PREPL: variants seen among roughly 807,000 people sequenced by gnomAD.
PREPL encodes the protein prolyl endopeptidase-like.
A neutral mutation model predicts 70.6 loss-of-function variants in PREPL; 77 were observed. The ratio of observed to expected loss-of-function variants is 1.09; its 90% CI spans 0.91 to 1.32. The LOEUF (loss-of-function observed/expected upper bound fraction) is 1.32. Ranked by LOEUF, PREPL falls within the 40% of genes most tolerant of loss-of-function variation. The pLI, the probability that PREPL is intolerant of heterozygous loss-of-function variation, is 0.00. For synonymous variants in PREPL, 315 were observed against 264.8 expected (o/e 1.19, Z -1.84); for missense variants, 1,002 against 778.2 (o/e 1.29, Z -3.42).
rs1313264034 is a variant in PREPL at position 44,317,910 on chromosome 2, A to G, written c.*3446T>C. Reference sequence around the variant, plus strand: ...CACTCAGATAACAAAAACAGACATAAGAAACACTAACATAAAACACAAAGA... The same window carrying G: ...CACTCAGATAACAAAAACAGACATAGGAAACACTAACATAAAACACAAAGA... On this transcript the variant is annotated 3_prime_UTR_variant, in exon 14 of 14. Transcript: ENST00000409411. 1 of 238,414 alleles carries G rather than the reference A, an allele frequency of 4.2e-6. No homozygotes were observed. Among genetic ancestry groups the G allele is most frequent in the Non-Finnish European group, 8.5e-6 (1 of 117,450 alleles). The allele number at this position is 238,414 out of a possible 1,614,324, so 14.8% of individuals were successfully genotyped here. A position where few individuals can be genotyped will look rare whatever the true frequency, so the allele number is the denominator to read the frequency against.
rs745708452 is a variant in PREPL, at chr2:44,338,362, G to A, written c.877C>T (p.Arg293Trp). 4.0e-5 allele frequency: 64 copies of A among 1,611,024 alleles called. No homozygotes were observed. Among genetic ancestry groups the A allele is most frequent in the Middle Eastern group, 1.7e-4 (1 of 6,048 alleles). ...NVIGLADDSVRSLKLPPWACG... is the reference protein window; with the variant it reads ...NVIGLADDSVWSLKLPPWACG... ...AAAATTAAACATACCTTTAGAGACC[G>A]AACTGAATCATCAGCCAGACCAATC... Residue 293 changes from arginine to tryptophan, a missense_variant, in exon 7 of 14, where the codon CGG becomes TGG. Physicochemically the swap from Arg to Trp is moderately radical, Grantham distance 101. Coordinates refer to ENST00000409411, the MANE Select transcript of PREPL (RefSeq NM_001171613.2).
Position 44,320,699 on chromosome 2 carries a change from A to AGCTTCATGTACAGCATGCT in PREPL, c.*638_*656dup. ...CAGTGGGATTGTAAGCATTTGTAATAGCTTCATGTACAGCATGCTGCTTGG... is the reference window on the plus strand; with the variant it reads ...CAGTGGGATTGTAAGCATTTGTAATAGCTTCATGTACAGCATGCTGCTTCATGTACAGCATGCTGCTTGG... On this transcript the variant is annotated 3_prime_UTR_variant, in exon 14 of 14. Transcript: ENST00000409411. 7.9e-7 allele frequency: 1 copy of AGCTTCATGTACAGCATGCT among 1,264,124 alleles called. No individual in the cohort carries two copies. Among genetic ancestry groups the AGCTTCATGTACAGCATGCT allele is most frequent in the Admixed American group, 1.7e-5 (1 of 59,432 alleles). 78.3% of individuals were successfully genotyped at this position (1,264,124 alleles called of 1,614,324 possible).
intron 11 of PREPL, 46 bp from the exon 12 acceptor site, chr2:44,322,900 T>C: frequency 1.9e-6 from 3 of 1,599,042 alleles, no homozygotes; most frequent in Non-Finnish European, 2.6e-6. Context: ...TTTCTTATGG[T>C]CCCTTGCCAC....
At position 44,318,095 on chromosome 2, in the gene PREPL, G is replaced by GTT. The variant is rs11348872; in HGVS notation, c.*3259_*3260dup. 2.3e-3 allele frequency: 908 copies of GTT among 395,862 alleles called. No individual in the cohort carries two copies. Among genetic ancestry groups the GTT allele is most frequent in the East Asian group, 9.6e-3 (117 of 12,170 alleles). 24.5% of individuals were successfully genotyped at this position (395,862 alleles called of 1,614,324 possible). ...ATAATACTTAAAGGATCTCAACACT[G>GTT]TTTTTTTTTTTTTTTGAGACAGTCT... On this transcript the variant is annotated 3_prime_UTR_variant, in exon 14 of 14. Coordinates refer to ENST00000409411, the MANE Select transcript of PREPL (RefSeq NM_001171613.2).
At chr2:44,357,530 A>T (rs1192869317) in intron 1 of PREPL, among the ~76,000 whole-genome samples, 1 of 152,228 alleles carries the variant, frequency 6.6e-6, no homozygotes, top group Non-Finnish European at 1.5e-5. Context: ...AGGTAAAGGA[A>T]TTACTAAATG....
In PREPL at chr2:44,340,799, G is replaced by C. The variant is rs75457077; in HGVS notation, c.486-1436C>G. Among the ~76,000 whole-genome samples, 545 of 151,946 alleles carry C rather than the reference G, an allele frequency of 3.6e-3. 2 individuals are homozygous for C. Among genetic ancestry groups the C allele is most frequent in the African/African-American group, 0.012 (506 of 41,438 alleles). Reference sequence around the variant, plus strand: ...AAAAATTAGCCAGGCATGGTGGCAGGTGCCTGTAATCCCAGCTACTTGGGA... The same window carrying C: ...AAAAATTAGCCAGGCATGGTGGCAGCTGCCTGTAATCCCAGCTACTTGGGA... On this transcript the variant is annotated intron_variant, in intron 5 of 13. Transcript: ENST00000409411.
rs1347641772 is a variant in PREPL, at chr2:44,322,733, T to C, written c.1751A>G (p.Glu584Gly). The change falls in exon 12 of 14, where the codon GAA becomes GGA. Residue 584 changes from glutamate (E) to glycine (G), a missense_variant and splice_region_variant. Coordinates refer to ENST00000409411, the MANE Select transcript of PREPL (RefSeq NM_001171613.2). ...AIAEHAKDTG[E>G]GYQTPNIILD... ...CCTGCTTCTAGGGGGTCTCCTACCT[T>C]CACCTGTGTCCTTAGCATGCTCCGC... is the stretch of plus-strand genomic sequence containing the variant. 2 of 1,613,006 alleles carry C rather than the reference T, an allele frequency of 1.2e-6. No homozygotes were observed. The highest frequency in any genetic ancestry group is 1.3e-5 in the African/African-American group (1 of 74,854).
chr2:44,318,016 T>C lies in PREPL; in HGVS notation c.*3340A>G. 5.4e-6 allele frequency: 2 copies of C among 372,966 alleles called. No individual in the cohort carries two copies. The highest frequency in any genetic ancestry group is 3.8e-5 in the South Asian group (2 of 52,404). The allele number at this position is 372,966 out of a possible 1,614,324, so 23.1% of individuals were successfully genotyped here. A position where few individuals can be genotyped will look rare whatever the true frequency, so the allele number is the denominator to read the frequency against. On this transcript the variant is annotated 3_prime_UTR_variant, in exon 14 of 14. Coordinates refer to ENST00000409411, the MANE Select transcript of PREPL (RefSeq NM_001171613.2). ...TATAAACACAAAAAATGAAGTTATC[T>C]TTTGACCTAATAATTCCATTCCTAA...
intron 7 of PREPL, among the ~76,000 whole-genome samples, chr2:44,337,162 C>T (rs1444348365): frequency 1.3e-5 from 2 of 152,184 alleles, no homozygotes; most frequent in African/African-American, 2.4e-5. Context: ...TGAACATTTT[C>T]TGAATGTCAG....
intron 12 of PREPL, 26 bp downstream of exon 12, chr2:44,322,705 T>C: frequency 3.7e-6 from 6 of 1,607,432 alleles, no homozygotes; most frequent in Middle Eastern, 3.3e-4. Context: ...TTTGGCCATG[T>C]TCCCTGCTTC....
intron 1 of PREPL, chr2:44,360,783 T>G (rs921652583): frequency 9.9e-5 from 15 of 152,246 alleles, no homozygotes; most frequent in African/African-American, 3.6e-4. Flanking sequence ...TAGTGACCAC[T>G]CAATAAATGG....
In PREPL at chr2:44,339,346, T is replaced by A. The variant is rs775248800; in HGVS notation, c.503A>T (p.Tyr168Phe). 1 of 1,613,820 alleles carries A rather than the reference T, an allele frequency of 6.2e-7. No homozygotes were observed. Among genetic ancestry groups the A allele is most frequent in the Non-Finnish European group, 8.5e-7 (1 of 1,179,908 alleles). ...GAGGAAACGACTGTCTTTTGTAAGA[T>A]AAAGGAAAACAAAGTAGCTAGAGAG... ...EKDPSYFVFLYLTKDSRFLTI... is the reference protein window; with the variant it reads ...EKDPSYFVFLFLTKDSRFLTI... Residue 168 changes from tyrosine to phenylalanine, a missense_variant, in exon 6 of 14, where the codon TAT (tyrosine) becomes TTT (phenylalanine). Transcript: ENST00000409411.
At chr2:44,345,787 T>A (rs1675740311) in intron 2 of PREPL, among the ~76,000 whole-genome samples, 1 of 152,208 alleles carries the variant, frequency 6.6e-6, no homozygotes, top group South Asian at 2.1e-4. Context: ...CAAGTAATTT[T>A]CAAATAATAA....
intron 2 of PREPL, among the ~76,000 whole-genome samples, chr2:44,345,841 TA>T (rs1675749093): frequency 6.6e-6 from 1 of 152,138 alleles, no homozygotes; most frequent in African/African-American, 2.4e-5. Context: ...TTAGAATGAT[TA>T]AAAAATTTTT....
intron 9 of PREPL, among the ~76,000 whole-genome samples, chr2:44,328,208 C>A (rs1029147364): frequency 6.7e-6 from 1 of 149,460 alleles, no homozygotes; most frequent in Non-Finnish European, 1.5e-5. Flanking sequence ...ATCGCTTGAA[C>A]CCTGGCCAAG....
At chr2:44,349,966 C>A (rs1676236656) in intron 1 of PREPL, among the ~76,000 whole-genome samples, 1 of 152,132 alleles carries the variant, frequency 6.6e-6, no homozygotes, top group Admixed American at 6.5e-5. Flanking sequence ...ATGTCCCCTT[C>A]TTGAAAGAAA....
At position 44,321,250 on chromosome 2, in the gene PREPL, A is replaced by G. The variant is rs1572833944; in HGVS notation, c.*106T>C. On this transcript the variant is annotated 3_prime_UTR_variant, in exon 14 of 14. Coordinates refer to ENST00000409411, the MANE Select transcript of PREPL (RefSeq NM_001171613.2). ...TGGAGAAGCACATTTTAAAAAATTA[A>G]TAACTTAAAAGTCTCAAGTTATTAA... 2.0e-6 allele frequency: 2 copies of G among 997,632 alleles called. No individual in the cohort carries two copies. The highest frequency in any genetic ancestry group is 2.9e-6 in the Non-Finnish European group (2 of 678,332). The allele number at this position is 997,632 out of a possible 1,614,324, so 61.8% of individuals were successfully genotyped here.
Position 44,341,856 on chromosome 2 carries a change from C to G in PREPL, c.485+561G>C, listed in dbSNP as rs11898804. Among the ~76,000 whole-genome samples the G allele has an allele frequency of 3.0e-3, 449 of 151,750 alleles. 1 individual carries two copies. The highest frequency in any genetic ancestry group is 9.5e-3 in the African/African-American group (394 of 41,396). On this transcript the variant is annotated intron_variant, in intron 5 of 13. Transcript: ENST00000409411. ...CATAGCATATATTTAATTTTTTCAC[C>G]TAGCACAATAATACATTTTTGAGTT...
chr2:44,344,735 C>G, intron 2 of PREPL, 149 bp from the exon 3 acceptor site: 1 of 546,782 alleles, frequency 1.8e-6, no homozygotes, highest in East Asian at 3.2e-5. Flanking sequence ...ATAAAATTGA[C>G]CATTTTTACA....
Sources: gnomAD v4.1 joint callset for allele counts (sites outside exome capture counted in the v4.1 genomes callset) on GRCh38, gnomAD v4.1.1 for gene constraint, MANE v1.5 for transcripts, NCBI Gene and HGNC (gene_info 2026-07-23, HGNC 2026-07-21) for gene names.